The following MROH2A variants were observed in gnomAD, a reference collection of about 807,000 sequenced individuals.
MROH2A encodes maestro heat-like repeat-containing protein family member 2A.
A neutral mutation model predicts 200.4 loss-of-function variants in MROH2A; 174 were observed. The observed-to-expected ratio is 0.87, with a 90% CI of 0.77 to 0.98. The LOEUF (loss-of-function observed/expected upper bound fraction) is 0.98, where lower values mean the gene tolerates loss of function less well. MROH2A is among the 50% of genes least tolerant of loss of function. The probability of loss-of-function intolerance (pLI) is 0.00; values close to 1 mark genes in which losing one functional copy is unlikely to be tolerated. For missense variants in MROH2A, 2,045 were observed against 2,139.6 expected (o/e 0.96, Z 0.87); for synonymous variants, 829 against 840.4 (o/e 0.99, Z 0.23).
At chr2:233,804,320 TC>T in intron 17 of MROH2A, 128 bp downstream of exon 17, 1 of 1,415,948 alleles carries the variant, frequency 7.1e-7, no homozygotes, top group Non-Finnish European at 9.6e-7. Context: ...CCCACTTTTG[TC>T]CTGAGAACTG....
Position 233,818,639 on chromosome 2 carries a change from GT to G in MROH2A, c.3086-12del. ...GTCCCTGCTGGTCATTTCTGAAGTTGTATTCCCGACAGCAAGCCAGACCTGC... is the reference window on the plus strand; with the variant it reads ...GTCCCTGCTGGTCATTTCTGAAGTTGATTCCCGACAGCAAGCCAGACCTGC... On this transcript the variant is annotated splice_polypyrimidine_tract_variant and intron_variant, in intron 28 of 41. Coordinates refer to ENST00000389758, the MANE Select transcript of MROH2A (RefSeq NM_001394639.1). The G allele has an allele frequency of 2.7e-6, 4 of 1,508,110 alleles. No individual in the cohort carries two copies. The South Asian group carries it at 3.6e-5, about 14-fold the overall frequency. 93.4% of individuals were successfully genotyped at this position (1,508,110 alleles called of 1,614,324 possible). A position where few individuals can be genotyped will look rare whatever the true frequency, so the allele number is the denominator to read the frequency against.
At chr2:233,781,589 TG>T (rs527458633) in intron 3 of MROH2A, among the ~76,000 whole-genome samples, 58 of 152,256 alleles carry the variant, frequency 3.8e-4, no homozygotes, top group African/African-American at 1.3e-3. Context: ...TTGATTTTTT[TG>T]CTATTGAGTT....
rs1704469419 is a variant in MROH2A at position 233,828,451 on chromosome 2, G to C, written c.4114-179G>C. ...TATTTCCTTATTAAATCCCCACACA[G>C]ACCCTGAGGCAGGTACTAGCATCAC... On this transcript the variant is annotated intron_variant, in intron 35 of 41. Coordinates refer to ENST00000389758, the MANE Select transcript of MROH2A (RefSeq NM_001394639.1). The surrounding 1 kb of genome is among the most constrained non-coding windows in gnomAD (Gnocchi z 4.6). 1.6e-6 allele frequency: 1 copy of C among 642,950 alleles called. No homozygotes were observed. The highest frequency in any genetic ancestry group is 1.8e-5 in the African/African-American group (1 of 54,380). The allele number at this position is 642,950 out of a possible 1,614,324, so 39.8% of individuals were successfully genotyped here.
chr2:233,811,674 G>A (rs902574260), intron 23 of MROH2A, among the ~76,000 whole-genome samples: 1 of 152,238 alleles, frequency 6.6e-6, no homozygotes, highest in Non-Finnish European at 1.5e-5. Flanking sequence ...AGCAGCGCGA[G>A]CTGGGAGCCC....
At chr2:233,815,289 A>C (rs1303600009) in intron 26 of MROH2A, among the ~76,000 whole-genome samples, 1 of 152,206 alleles carries the variant, frequency 6.6e-6, no homozygotes, top group Non-Finnish European at 1.5e-5. Context: ...AACCTTTTAC[A>C]GGTTTTACAT....
chr2:233,802,754 A>G (rs111851999), intron 15 of MROH2A, among the ~76,000 whole-genome samples: 1 of 152,074 alleles, frequency 6.6e-6, no homozygotes, highest in African/African-American at 2.4e-5. Flanking sequence ...CAAAACAACT[A>G]TGCCCACCTA....
In MROH2A at chr2:233,816,782, T is replaced by C. The variant is rs1174687813; in HGVS notation, c.2858T>C (p.Leu953Pro). Residue 953 changes from leucine to proline, a missense_variant and splice_region_variant, in exon 27 of 42, where the codon CTC becomes CCC. By Grantham distance (98) the Leu-to-Pro change is moderately conservative. This residue lies in a region of MROH2A where 1,201 missense variants were observed against 1,311.3 expected (regional missense o/e 0.92). Coordinates refer to ENST00000389758, the MANE Select transcript of MROH2A (RefSeq NM_001394639.1). Reference sequence around the variant, plus strand: ...TGGTGTTCTGGGCTCTACCCATAGCTCCTGGAAAAGTGGATCTTGTCGGAG... The same window carrying C: ...TGGTGTTCTGGGCTCTACCCATAGCCCCTGGAAAAGTGGATCTTGTCGGAG... ...DPKGLQEMVQ[L>P]LEKWILSEKE... The C allele has an allele frequency of 1.3e-6, 2 of 1,549,542 alleles. No homozygotes were observed.
chr2:233,832,195 G>C lies in MROH2A; in HGVS notation c.4753G>C (p.Val1585Leu). Residue 1585 changes from valine (V) to leucine (L), a missense_variant, in exon 40 of 42, where the codon GTT (valine) becomes CTT (leucine). By Grantham distance (32) the Val-to-Leu change is conservative. Coordinates refer to ENST00000389758, the MANE Select transcript of MROH2A (RefSeq NM_001394639.1). ...TTTGCAGACTCGGAAAAAGCCGGCT[G>C]TTCTCTACCGCTTCTTGCTAGAAAC... ...CSILTRKKPA[V>L]LYRFLLETMA... is the part of the protein sequence containing the mutation. 1.3e-6 allele frequency: 2 copies of C among 1,550,626 alleles called. No homozygotes were observed. Among genetic ancestry groups the C allele is most frequent in the Non-Finnish European group, 1.7e-6 (2 of 1,147,006 alleles).
At chr2:233,790,110 C>G in intron 5 of MROH2A, 96 bp downstream of exon 5, 1 of 1,171,708 alleles carries the variant, frequency 8.5e-7, no homozygotes, top group Non-Finnish European at 1.2e-6. Flanking sequence ...ACCTCTTCCT[C>G]TTACCTTTCA....
Position 233,807,956 on chromosome 2 carries a change from T to A in MROH2A, c.2295+101T>A. Reference sequence around the variant, plus strand: ...TCTAGATCTCAGTAGGAAACTTGCCTCACACGGAGTCTCCTGTCATCAAAA... The same window carrying A: ...TCTAGATCTCAGTAGGAAACTTGCCACACACGGAGTCTCCTGTCATCAAAA... On this transcript the variant is annotated intron_variant, in intron 21 of 41. Coordinates refer to ENST00000389758, the MANE Select transcript of MROH2A (RefSeq NM_001394639.1). The surrounding 1 kb of genome is among the most constrained non-coding windows in gnomAD (Gnocchi z 4.3). The A allele has an allele frequency of 2.8e-6, 4 of 1,407,162 alleles. No individual in the cohort carries two copies. Among genetic ancestry groups the A allele is most frequent in the Non-Finnish European group, 3.9e-6 (4 of 1,026,306 alleles). The allele number at this position is 1,407,162 out of a possible 1,614,324, so 87.2% of individuals were successfully genotyped here. A position where few individuals can be genotyped will look rare whatever the true frequency, so the allele number is the denominator to read the frequency against.
At chr2:233,830,385 G>T (rs1246553405) in intron 38 of MROH2A, among the ~76,000 whole-genome samples, 1 of 152,210 alleles carries the variant, frequency 6.6e-6, no homozygotes, top group African/African-American at 2.4e-5. Flanking sequence ...TTACAGACTT[G>T]GGGGGTGGGG....
At chr2:233,789,827 T>C (rs1328765768) in intron 4 of MROH2A, 25 bp from the exon 5 acceptor site, 15 of 1,538,452 alleles carry the variant, frequency 9.8e-6, no homozygotes, top group Middle Eastern at 2.0e-4. Context: ...GGTGGTGCCA[T>C]ATGTCCCTCT....
chr2:233,832,119 A>G (rs1454090234), intron 39 of MROH2A, 58 bp from the exon 40 acceptor site: 6 of 1,383,344 alleles, frequency 4.3e-6, no homozygotes, highest in Non-Finnish European at 6.0e-6. Flanking sequence ...TTGATGAATG[A>G]CAGCCCATTG....
intron 1 of MROH2A, among the ~76,000 whole-genome samples, chr2:233,778,825 G>C (rs1056423703): frequency 3.9e-5 from 6 of 152,204 alleles, no homozygotes; most frequent in African/African-American, 1.4e-4. Context: ...TAAACTCAGT[G>C]GCTTAAAAGA....
chr2:233,822,779 G>A (rs368143142), intron 33 of MROH2A, 102 bp from the exon 34 acceptor site: 3 of 1,420,992 alleles, frequency 2.1e-6, no homozygotes, highest in South Asian at 1.4e-5. Flanking sequence ...CCTTGGGCTG[G>A]GCCCGGCAGG....
Position 233,788,890 on chromosome 2 carries a change from A to G in MROH2A, c.277-607A>G, listed in dbSNP as rs1349653209. 4.9e-5 allele frequency among the ~76,000 whole-genome samples: 7 copies of G among 144,026 alleles called. 1 individual carries two copies. The highest frequency in any genetic ancestry group is 1.5e-5 in the Non-Finnish European group (1 of 66,768). The allele number at this position is 144,026 out of a possible 152,430, so 94.5% of individuals were successfully genotyped here. On this transcript the variant is annotated intron_variant, in intron 3 of 41. Coordinates refer to ENST00000389758, the MANE Select transcript of MROH2A (RefSeq NM_001394639.1). ...GGAGGCAGAGCTTGCAGTGAGGCGA[A>G]ATCGCGCCACTGCACTCCAGCCCGG...
chr2:233,800,631 A>G lies in MROH2A; in HGVS notation c.1560+316A>G, dbSNP rs201995053. Reference sequence around the variant, plus strand: ...TACTTTAAGGCCCGTGTGTGTGTGTATGTGTGTGTGTGTGTGTGTGTGTGT... The same window carrying G: ...TACTTTAAGGCCCGTGTGTGTGTGTGTGTGTGTGTGTGTGTGTGTGTGTGT... On this transcript the variant is annotated intron_variant, in intron 14 of 41. Coordinates refer to ENST00000389758, the MANE Select transcript of MROH2A (RefSeq NM_001394639.1). 5.9e-3 allele frequency among the ~76,000 whole-genome samples: 888 copies of G among 149,944 alleles called. 4 individuals carry two copies. The highest frequency in any genetic ancestry group is 0.02 in the African/African-American group (814 of 40,784).
At chr2:233,797,654 T>A (rs1209092338) in intron 11 of MROH2A, among the ~76,000 whole-genome samples, 1 of 152,216 alleles carries the variant, frequency 6.6e-6, no homozygotes, top group Admixed American at 6.5e-5. Flanking sequence ...TTATTTTTTA[T>A]TTTAATTTTG....
upstream of MROH2A, among the ~76,000 whole-genome samples, chr2:233,778,030 T>G (rs1222927013): frequency 1.3e-5 from 2 of 152,202 alleles, no homozygotes; most frequent in Non-Finnish European, 2.9e-5. Flanking sequence ...CCAACTGTCC[T>G]GACCACACCT....
Sources: allele counts gnomAD v4.1 joint callset (sites outside exome capture counted in the v4.1 genomes callset), GRCh38; gene constraint gnomAD v4.1.1; regional missense constraint gnomAD v4.1.1; non-coding constraint Gnocchi (gnomAD v3.1); transcripts MANE v1.5; gene names NCBI Gene and HGNC (gene_info 2026-07-23, HGNC 2026-07-21).